Variants in IMMP2L observed in about 807,000 individuals in gnomAD.
IMMP2L encodes the protein inner mitochondrial membrane peptidase subunit 2.
A neutral mutation model predicts 19.3 loss-of-function variants in IMMP2L; 18 were observed. The observed-to-expected ratio is 0.93, with a 90% CI of 0.64 to 1.38. IMMP2L has a LOEUF of 1.38. IMMP2L is among the 40% of genes most tolerant of loss of function. The probability of loss-of-function intolerance (pLI) is 0.00; values close to 1 mark genes in which losing one functional copy is unlikely to be tolerated. For synonymous variants in IMMP2L, 76 were observed against 73.0 expected, an observed-to-expected ratio of 1.04 and a Z score of -0.21; for missense variants, 233 against 218.2, an observed-to-expected ratio of 1.07 and a Z score of -0.43.
chr7:111,111,237 A>G (rs1016072370), intron 3 of IMMP2L, among the ~76,000 whole-genome samples: 1 of 151,414 alleles, frequency 6.6e-6, no homozygotes, highest in Non-Finnish European at 1.5e-5. Flanking sequence ...CTAGTCATGT[A>G]CAACCTTGCA....
chr7:111,513,524 C>T (rs1388313299), intron 2 of IMMP2L, among the ~76,000 whole-genome samples: 2 of 152,022 alleles, frequency 1.3e-5, no homozygotes, highest in Non-Finnish European at 2.9e-5. Flanking sequence ...TAAATTAGTT[C>T]AACCATTATG....
At chr7:111,466,990 T>A (rs993596459) in intron 3 of IMMP2L, among the ~76,000 whole-genome samples, 4 of 152,142 alleles carry the variant, frequency 2.6e-5, no homozygotes, top group Non-Finnish European at 5.9e-5. Context: ...CTGGAACCAA[T>A]TCCCCATGGA....
At position 111,551,649 on chromosome 7, in the gene IMMP2L, T is replaced by C. The variant is rs144663846; in HGVS notation, c.-3+10202A>G. On this transcript the variant is annotated intron_variant, in intron 1 of 5. Coordinates refer to ENST00000405709, the MANE Select transcript of IMMP2L (RefSeq NM_032549.4). ...GCTCCAGTGGCAAATCAGGGACCTA[T>C]AAGACAGGCTCAAAGATGGTTCTGG... 1.1e-3 allele frequency among the ~76,000 whole-genome samples: 164 copies of C among 152,042 alleles called. 1 individual carries two copies. The highest frequency in any genetic ancestry group is 3.4e-3 in the Middle Eastern group (1 of 294).
At chr7:111,061,444 A>G (rs1563203568) in intron 3 of IMMP2L, among the ~76,000 whole-genome samples, 1 of 152,136 alleles carries the variant, frequency 6.6e-6, no homozygotes, top group Admixed American at 6.6e-5. Flanking sequence ...GGAAATGACG[A>G]AGGGGTGAAT....
At chr7:110,917,033 A>G (rs1272485634) in intron 4 of IMMP2L, among the ~76,000 whole-genome samples, 1 of 152,198 alleles carries the variant, frequency 6.6e-6, no homozygotes, top group Non-Finnish European at 1.5e-5. Context: ...GGATTTCAAG[A>G]TGAGATAATC....
chr7:110,904,576 G>A (rs1812261465), intron 4 of IMMP2L, among the ~76,000 whole-genome samples: 1 of 152,092 alleles, frequency 6.6e-6, no homozygotes, highest in African/African-American at 2.4e-5. Flanking sequence ...TATTCCCAGG[G>A]TTTGTGTTCT....
intron 3 of IMMP2L, among the ~76,000 whole-genome samples, chr7:111,171,638 C>T (rs1047219385): frequency 4.6e-5 from 7 of 151,202 alleles, no homozygotes; most frequent in Non-Finnish European, 8.9e-5. Flanking sequence ...TAAAAGAATC[C>T]GGAGGGAAAA....
intron 3 of IMMP2L, among the ~76,000 whole-genome samples, chr7:111,106,124 T>C (rs933760293): frequency 6.6e-6 from 1 of 151,956 alleles, no homozygotes; most frequent in Non-Finnish European, 1.5e-5. Flanking sequence ...ATACCAACAT[T>C]GGTGCACATT....
chr7:110,906,275 A>G (rs1812441663), intron 4 of IMMP2L, among the ~76,000 whole-genome samples: 1 of 152,228 alleles, frequency 6.6e-6, no homozygotes, highest in Non-Finnish European at 1.5e-5. Context: ...TTTAATGCAA[A>G]CATTTTAGCT....
At chr7:111,396,416 C>T (rs1036521045) in intron 3 of IMMP2L, among the ~76,000 whole-genome samples, 9 of 152,020 alleles carry the variant, frequency 5.9e-5, no homozygotes, top group Non-Finnish European at 1.0e-4. Flanking sequence ...AACAGAAAAC[C>T]ACATGTTCTC....
intron 5 of IMMP2L, among the ~76,000 whole-genome samples, chr7:110,742,912 T>A (rs947628973): frequency 1.3e-5 from 2 of 152,134 alleles, no homozygotes; most frequent in Non-Finnish European, 2.9e-5. Flanking sequence ...TTCACACACA[T>A]GGACATTCCT....
intron 3 of IMMP2L, among the ~76,000 whole-genome samples, chr7:111,366,325 A>G (rs1488509385): frequency 6.6e-6 from 1 of 150,672 alleles, no homozygotes; most frequent in African/African-American, 2.4e-5. Flanking sequence ...AATGAGAAGC[A>G]TTCTATTAAA....
chr7:110,663,590 A>G lies in IMMP2L; in HGVS notation c.*12T>C. The G allele has an allele frequency of 2.5e-6, 4 of 1,613,184 alleles. No homozygotes were observed. The African/African-American group carries it at 5.3e-5, about 22-fold the overall frequency. ...GCCTCCCAATGCCAGCAACTCAGGTAGATTCATGCAGTCATTCCTCTTCTC... is the reference window on the plus strand; with the variant it reads ...GCCTCCCAATGCCAGCAACTCAGGTGGATTCATGCAGTCATTCCTCTTCTC... On this transcript the variant is annotated 3_prime_UTR_variant, in exon 6 of 6. Coordinates refer to ENST00000405709, the MANE Select transcript of IMMP2L (RefSeq NM_032549.4).
intron 3 of IMMP2L, among the ~76,000 whole-genome samples, chr7:111,129,507 C>A (rs765881681): frequency 1.4e-4 from 21 of 151,950 alleles, no homozygotes; most frequent in Non-Finnish European, 2.4e-4. Context: ...GAAAAGACTA[C>A]AATGATCTTC....
chr7:110,745,746 A>C (rs894111629), intron 5 of IMMP2L, among the ~76,000 whole-genome samples: 1 of 152,360 alleles, frequency 6.6e-6, no homozygotes, highest in African/African-American at 2.4e-5. Context: ...GAACTCCTCA[A>C]GGAAGCACTA....
chr7:110,800,246 G>A (rs1242138112), intron 5 of IMMP2L, among the ~76,000 whole-genome samples: 3 of 151,956 alleles, frequency 2.0e-5, no homozygotes, highest in Non-Finnish European at 4.4e-5. Context: ...AAGTCTGCAG[G>A]AATAGATACA....
chr7:110,832,077 C>T (rs961481236), intron 5 of IMMP2L, among the ~76,000 whole-genome samples: 6 of 152,136 alleles, frequency 3.9e-5, no homozygotes, highest in South Asian at 2.1e-4. Context: ...CCCTGGCCAA[C>T]GTGGTGAAAC....
chr7:111,193,693 T>C (rs1265131551), intron 3 of IMMP2L, among the ~76,000 whole-genome samples: 1 of 152,070 alleles, frequency 6.6e-6, no homozygotes, highest in African/African-American at 2.4e-5. Context: ...TTCATTTAAG[T>C]GGGAAAAACT....
At chr7:111,545,548 C>T (rs1848852329) in intron 1 of IMMP2L, among the ~76,000 whole-genome samples, 1 of 152,008 alleles carries the variant, frequency 6.6e-6, no homozygotes, top group Admixed American at 6.6e-5. Flanking sequence ...CCATTCCCAG[C>T]TAACTTTTTG....
Sources: gnomAD v4.1 joint callset for allele counts (sites outside exome capture counted in the v4.1 genomes callset) on GRCh38, gnomAD v4.1.1 for gene constraint, MANE v1.5 for transcripts, NCBI Gene and HGNC (gene_info 2026-07-23, HGNC 2026-07-21) for gene names.